BCAS3: variants seen among roughly 807,000 people sequenced by gnomAD.
The protein encoded by BCAS3 is BCAS3 microtubule associated cell migration factor.
BCAS3 carries 53 observed loss-of-function variants against 116.1 expected under a neutral mutation model. That is an observed-to-expected ratio of 0.46 (90% CI 0.37 to 0.57). The LOEUF (loss-of-function observed/expected upper bound fraction) is 0.57. BCAS3 is among the 20% of genes least tolerant of loss of function. The pLI is 0.00. For synonymous variants in BCAS3, 391 were observed against 408.2 expected (o/e 0.96, Z 0.51); for missense variants, 917 against 1,165.4 (o/e 0.79, Z 3.10).
intron 13 of BCAS3, among the ~76,000 whole-genome samples, chr17:60,945,247 A>G (rs1255180785): frequency 6.6e-6 from 1 of 152,226 alleles, no homozygotes; most frequent in Admixed American, 6.5e-5. Flanking sequence ...AGAAGTCAAA[A>G]TAGATCTAAA....
chr17:61,087,346 C>A lies in BCAS3; in HGVS notation c.2425+2782C>A. ...TTAATTATTCCTATGGCACATGTTA[C>A]ACCTAACCCTCTATTTTAGTGACAG... is the stretch of plus-strand genomic sequence containing the variant. On this transcript the variant is annotated intron_variant, in intron 22 of 23. Coordinates refer to ENST00000407086, the MANE Select transcript of BCAS3 (RefSeq NM_017679.5). The surrounding 1 kb of genome is among the most constrained non-coding windows in gnomAD (Gnocchi z 4.6). 2.7e-6 allele frequency: 1 copy of A among 367,786 alleles called. No individual in the cohort carries two copies. The highest frequency in any genetic ancestry group is 3.8e-6 in the Non-Finnish European group (1 of 265,340). 22.8% of individuals were successfully genotyped at this position (367,786 alleles called of 1,614,324 possible).
chr17:60,815,390 G>A (rs2049283215), intron 7 of BCAS3, among the ~76,000 whole-genome samples: 2 of 151,770 alleles, frequency 1.3e-5, no homozygotes, highest in Non-Finnish European at 1.5e-5. Flanking sequence ...GCGTGTATAC[G>A]TATGTAACAA....
intron 3 of BCAS3, 89 bp downstream of exon 3, chr17:60,684,125 A>T: frequency 8.0e-7 from 1 of 1,247,850 alleles, no homozygotes; most frequent in South Asian, 1.3e-5. Context: ...AGTACCAGCA[A>T]CTTCCAAAAG....
rs1014169692 is a variant in BCAS3 at position 61,258,096 on chromosome 17, C to T, written c.2426-110231C>T. On this transcript the variant is annotated intron_variant, in intron 22 of 23. Coordinates refer to ENST00000407086, the MANE Select transcript of BCAS3 (RefSeq NM_017679.5). The surrounding 1 kb of genome is among the most constrained non-coding windows in gnomAD (Gnocchi z 4.7). The stretch of plus-strand genomic sequence containing the variant: ...TCCTTCATACACTCCTGGTTAACCA[C>T]CTACAGGATTTCTACTCACCTTTCA... Among the ~76,000 whole-genome samples the T allele has an allele frequency of 1.3e-5, 2 of 152,180 alleles. No individual in the cohort carries two copies. The highest frequency in any genetic ancestry group is 4.8e-5 in the African/African-American group (2 of 41,446).
At chr17:61,312,471 G>T (rs564571732) in intron 22 of BCAS3, among the ~76,000 whole-genome samples, 1 of 152,208 alleles carries the variant, frequency 6.6e-6, no homozygotes, top group Non-Finnish European at 1.5e-5. Flanking sequence ...TGGACTCTCC[G>T]AACAATCTTG....
intron 6 of BCAS3, among the ~76,000 whole-genome samples, chr17:60,787,947 A>G (rs1403093108): frequency 6.6e-6 from 1 of 152,078 alleles, no homozygotes; most frequent in African/African-American, 2.4e-5. Flanking sequence ...AAAAGTTAAA[A>G]AAAAAGATGA....
At chr17:60,968,999 G>C (rs111286681) in intron 14 of BCAS3, among the ~76,000 whole-genome samples, 5,753 of 151,090 alleles carry the variant, frequency 0.038, 418 homozygotes, top group African/African-American at 0.13. Context: ...CATGAGTTGG[G>C]GGGGGAGATT....
chr17:60,730,409 C>T (rs2040338652), intron 5 of BCAS3, among the ~76,000 whole-genome samples: 1 of 152,106 alleles, frequency 6.6e-6, no homozygotes, highest in Non-Finnish European at 1.5e-5. Flanking sequence ...TTTATGTGGT[C>T]AGCAAATATC....
Position 61,073,853 on chromosome 17 carries a change from T to C in BCAS3, c.2030-1067T>C, listed in dbSNP as rs1401991988. Among the ~76,000 whole-genome samples the C allele has an allele frequency of 6.6e-6, 1 of 152,112 alleles. No homozygotes were observed. The highest frequency in any genetic ancestry group is 2.4e-5 in the African/African-American group (1 of 41,414). On this transcript the variant is annotated intron_variant, in intron 19 of 23. Transcript: ENST00000407086. This position sits in a 1 kb window ranked among gnomAD's most constrained non-coding sequence, Gnocchi z 4.6. ...GGCCAGGCGTGGTGGTTCATGCCTG[T>C]AATCCCAGCACTCTGAGAGCCAAAG...
chr17:60,902,607 C>G lies in BCAS3; in HGVS notation c.739-13C>G. 1.3e-6 allele frequency: 2 copies of G among 1,593,592 alleles called. No homozygotes were observed. The highest frequency in any genetic ancestry group is 1.7e-6 in the Non-Finnish European group (2 of 1,161,488). On this transcript the variant is annotated splice_polypyrimidine_tract_variant and intron_variant, in intron 10 of 23. Coordinates refer to ENST00000407086, the MANE Select transcript of BCAS3 (RefSeq NM_017679.5). ...GAAATGACGTTCTGCTTCTCTCTCT[C>G]TCTTTTTCTCAGTTGATTCGATGTC...
chr17:60,844,195 C>T (rs1245804696), intron 7 of BCAS3, among the ~76,000 whole-genome samples: 1 of 152,156 alleles, frequency 6.6e-6, no homozygotes, highest in African/African-American at 2.4e-5. Context: ...GTCTCGAACT[C>T]CTGACCTCAG....
intron 10 of BCAS3, chr17:60,900,140 T>C (rs553376415): frequency 6.7e-6 from 1 of 148,928 alleles, no homozygotes; most frequent in African/African-American, 2.5e-5. Flanking sequence ...ATTGCACCTA[T>C]GAATATTGCA....
At chr17:60,974,579 A>G (rs1243660861) in intron 14 of BCAS3, among the ~76,000 whole-genome samples, 3 of 152,238 alleles carry the variant, frequency 2.0e-5, no homozygotes, top group Non-Finnish European at 4.4e-5. Context: ...TACGTTTTAA[A>G]GAACAAATAT....
intron 12 of BCAS3, among the ~76,000 whole-genome samples, chr17:60,911,715 A>G (rs1332037106): frequency 2.6e-5 from 4 of 152,228 alleles, no homozygotes; most frequent in African/African-American, 9.6e-5. Flanking sequence ...GATTACAGGC[A>G]TGAGCCACTG....
At chr17:60,858,646 AT>A (rs2068069667) in intron 7 of BCAS3, among the ~76,000 whole-genome samples, 2 of 152,154 alleles carry the variant, frequency 1.3e-5, no homozygotes, top group African/African-American at 2.4e-5. Flanking sequence ...TGTATGTTTA[AT>A]TTTTTTACAA....
rs983817 is a variant in BCAS3, at chr17:61,144,708, C to T, written c.2425+60144C>T. On this transcript the variant is annotated intron_variant, in intron 22 of 23. Coordinates refer to ENST00000407086, the MANE Select transcript of BCAS3 (RefSeq NM_017679.5). The surrounding 1 kb of genome is among the most constrained non-coding windows in gnomAD (Gnocchi z 5.0). Reference sequence around the variant, plus strand: ...GTATTTAAGTTAGCTTTAGTTAACCCTTTATTTTCTGGACTTCTTCAAGTC... The same window carrying T: ...GTATTTAAGTTAGCTTTAGTTAACCTTTTATTTTCTGGACTTCTTCAAGTC... Among the ~76,000 whole-genome samples the T allele has an allele frequency of 0.64, 97,129 of 152,118 alleles. 37,287 individuals carry two copies. The highest frequency in any genetic ancestry group is 0.92 in the South Asian group (4,420 of 4,822).
rs1397424563 is a variant in BCAS3 at position 60,995,811 on chromosome 17, T to C, written c.1486+5576T>C. Among the ~76,000 whole-genome samples the C allele has an allele frequency of 6.6e-6, 1 of 152,046 alleles. No individual in the cohort carries two copies. On this transcript the variant is annotated intron_variant, in intron 15 of 23. Transcript: ENST00000407086. The surrounding 1 kb of genome is among the most constrained non-coding windows in gnomAD (Gnocchi z 4.7). ...TGTTCTGAGTTTAGGAATTTAGCAG[T>C]GAACAAAAGAGAAACATGTCTGTGT...
intron 7 of BCAS3, among the ~76,000 whole-genome samples, chr17:60,831,244 T>A (rs1372235231): frequency 6.6e-6 from 1 of 152,182 alleles, no homozygotes; most frequent in Non-Finnish European, 1.5e-5. Flanking sequence ...TGGCACGGTC[T>A]CGGCTTACTG....
chr17:60,845,225 G>A (rs2052404779), intron 7 of BCAS3, among the ~76,000 whole-genome samples: 2 of 152,170 alleles, frequency 1.3e-5, no homozygotes, highest in Admixed American at 1.3e-4. Flanking sequence ...GGGAGACTCC[G>A]TCTCTAAATA....
Sources: gnomAD v4.1 joint callset for allele counts (sites outside exome capture counted in the v4.1 genomes callset) on GRCh38, gnomAD v4.1.1 for gene constraint, Gnocchi (gnomAD v3.1) non-coding constraint, MANE v1.5 for transcripts, NCBI Gene and HGNC (gene_info 2026-07-23, HGNC 2026-07-21) for gene names.